The following FYB1 variants were observed in gnomAD, a reference collection of about 807,000 sequenced individuals.
FYB1 encodes the protein FYN binding protein 1.
In FYB1, 41 loss-of-function variants were observed where a neutral mutation model predicts 94.1. The observed-to-expected ratio is 0.44, with a 90% CI of 0.34 to 0.57. The LOEUF (loss-of-function observed/expected upper bound fraction) is 0.57, where lower values mean the gene tolerates loss of function less well. Ranked by LOEUF, FYB1 falls within the 20% of genes least tolerant of loss-of-function variation. The probability of loss-of-function intolerance (pLI) is 0.02; values close to 1 mark genes in which losing one functional copy is unlikely to be tolerated. For missense variants in FYB1, 1,050 were observed against 976.8 expected (o/e 1.07, Z -1.00); for synonymous variants, 367 against 353.2 (o/e 1.04, Z -0.44).
At chr5:39,181,913 C>T (rs1179410282) in intron 2 of FYB1, among the ~76,000 whole-genome samples, 8 of 151,952 alleles carry the variant, frequency 5.3e-5, no homozygotes, top group Admixed American at 2.0e-4. Flanking sequence ...AATGTCTACC[C>T]TCTTGACAAA....
chr5:39,176,685 T>C (rs1221090372), intron 2 of FYB1, among the ~76,000 whole-genome samples: 1 of 152,216 alleles, frequency 6.6e-6, no homozygotes, highest in African/African-American at 2.4e-5. Context: ...AAAACAGTCA[T>C]AAATTGTGGG....
In FYB1 at chr5:39,184,564, T is replaced by G. The variant is rs185936185; in HGVS notation, c.1135+17262A>C. Among the ~76,000 whole-genome samples the G allele has an allele frequency of 4.6e-5, 7 of 152,336 alleles. No individual in the cohort carries two copies. The East Asian group carries it at 1.3e-3, about 29-fold the overall frequency. On this transcript the variant is annotated intron_variant, in intron 2 of 18. Transcript: ENST00000512982. ...GAAAATTTGCCAAGAATTCTCACATTGAATGGCTAGTTCATTTGAAGGAAC... is the reference window on the plus strand; with the variant it reads ...GAAAATTTGCCAAGAATTCTCACATGGAATGGCTAGTTCATTTGAAGGAAC...
chr5:39,124,815 T>C (rs1478096861), intron 12 of FYB1, among the ~76,000 whole-genome samples: 1 of 151,904 alleles, frequency 6.6e-6, no homozygotes, highest in Non-Finnish European at 1.5e-5. Context: ...AGTGAGAGCT[T>C]ATTAATTAAA....
intron 10 of FYB1, among the ~76,000 whole-genome samples, chr5:39,130,320 T>C (rs1169307057): frequency 1.3e-5 from 2 of 152,038 alleles, no homozygotes; most frequent in Non-Finnish European, 2.9e-5. Context: ...TACAGTTAGA[T>C]AGAAGGAATA....
chr5:39,130,474 G>T, intron 10 of FYB1, 116 bp downstream of exon 10: 3 of 790,122 alleles, frequency 3.8e-6, no homozygotes, highest in Non-Finnish European at 6.3e-6. Flanking sequence ...GCCTAAATAC[G>T]CTGACTTGAA....
intron 2 of FYB1, among the ~76,000 whole-genome samples, chr5:39,166,240 C>T (rs989596232): frequency 1.3e-5 from 2 of 152,088 alleles, no homozygotes; most frequent in African/African-American, 2.4e-5. Context: ...AGTTCAAGAC[C>T]AGCCTGACCA....
At chr5:39,169,450 G>T in intron 2 of FYB1, 1 of 726,492 alleles carries the variant, frequency 1.4e-6, no homozygotes, top group South Asian at 1.4e-5. Flanking sequence ...TTTCACAGAA[G>T]AGTGCCTTCA....
intron 2 of FYB1, among the ~76,000 whole-genome samples, chr5:39,180,044 A>G (rs1281855824): frequency 7.9e-5 from 12 of 151,956 alleles, no homozygotes; most frequent in Non-Finnish European, 5.9e-5. Context: ...CATTTTTCTG[A>G]CCATGACTCC....
intron 2 of FYB1, among the ~76,000 whole-genome samples, chr5:39,190,494 T>A (rs1275205037): frequency 6.6e-6 from 1 of 152,064 alleles, no homozygotes; most frequent in African/African-American, 2.4e-5. Context: ...GTGGGAGAAC[T>A]GGACACTGTA....
chr5:39,167,226 G>A (rs1457655102), intron 2 of FYB1, among the ~76,000 whole-genome samples: 1 of 152,078 alleles, frequency 6.6e-6, no homozygotes, highest in African/African-American at 2.4e-5. Flanking sequence ...CGGGGATCAA[G>A]CTTCTACTAG....
intron 2 of FYB1, among the ~76,000 whole-genome samples, chr5:39,195,755 A>G (rs1465113691): frequency 6.6e-6 from 1 of 152,242 alleles, no homozygotes; most frequent in African/African-American, 2.4e-5. Context: ...ATGCAAACCA[A>G]TAGTCAGGCC....
intron 7 of FYB1, among the ~76,000 whole-genome samples, chr5:39,135,320 C>T (rs977007006): frequency 2.0e-5 from 3 of 152,268 alleles, no homozygotes; most frequent in Admixed American, 6.5e-5. Context: ...AACTGAACAG[C>T]GTTTATGTAC....
intron 2 of FYB1, among the ~76,000 whole-genome samples, chr5:39,157,973 C>T (rs1397790562): frequency 2.6e-5 from 4 of 152,086 alleles, no homozygotes; most frequent in African/African-American, 9.7e-5. Flanking sequence ...GAGATCAAGG[C>T]TTCAAGAAGG....
Position 39,122,392 on chromosome 5 carries a change from A to C in FYB1, c.2082T>G (p.Asp694Glu). The C allele has an allele frequency of 1.3e-6, 2 of 1,572,970 alleles. No homozygotes were observed. The highest frequency in any genetic ancestry group is 1.7e-6 in the Non-Finnish European group (2 of 1,154,152). Reference protein sequence around the residue: ...PAPPKQLDMGDEVYDDVDTSD... With the variant: ...PAPPKQLDMGEEVYDDVDTSD... Reference sequence around the variant, plus strand: ...AGGTATCCACATCATCGTAAACTTCATCTCCCATGTCTAACAAAAGACAGA... The same window carrying C: ...AGGTATCCACATCATCGTAAACTTCCTCTCCCATGTCTAACAAAAGACAGA... The change falls in exon 14 of 19, where the codon GAT becomes GAG. Residue 694 changes from aspartate to glutamate, a missense_variant. Transcript: ENST00000512982.
intron 12 of FYB1, among the ~76,000 whole-genome samples, chr5:39,124,964 C>A (rs1740500736): frequency 1.3e-5 from 2 of 151,292 alleles, no homozygotes; most frequent in African/African-American, 2.4e-5. Context: ...CGTACACACA[C>A]AAACACACCA....
chr5:39,189,167 T>G (rs555892969), intron 2 of FYB1, among the ~76,000 whole-genome samples: 6 of 151,568 alleles, frequency 4.0e-5, no homozygotes, highest in Middle Eastern at 7.0e-3. Context: ...TGTAATATTT[T>G]AACTCAGGAA....
At chr5:39,257,021 A>C (rs1401942858) in intron 1 of FYB1, among the ~76,000 whole-genome samples, 1 of 152,254 alleles carries the variant, frequency 6.6e-6, no homozygotes, top group Non-Finnish European at 1.5e-5. Context: ...TAGATTTCAC[A>C]GAAATAATTT....
intron 1 of FYB1, among the ~76,000 whole-genome samples, chr5:39,216,501 A>G (rs942018427): frequency 1.3e-5 from 2 of 151,896 alleles, no homozygotes; most frequent in Non-Finnish European, 2.9e-5. Context: ...GCACCTCTCA[A>G]CCCATCACCT....
Position 39,202,813 on chromosome 5 carries a change from C to T in FYB1, c.148G>A (p.Gly50Arg). ...CCAAACTTAGGTACATTGCTGGGTCCTGCAGGAGGGCTGGCATTTCCTTGG... is the reference window on the plus strand; with the variant it reads ...CCAAACTTAGGTACATTGCTGGGTCTTGCAGGAGGGCTGGCATTTCCTTGG... ...NNQGNASPPA[G>R]PSNVPKFGSP... Residue 50 changes from glycine (G) to arginine (R), a missense_variant, in exon 2 of 19, where the codon GGA becomes AGA. Gly to Arg is a moderately radical substitution (Grantham distance 125). Coordinates refer to ENST00000512982, the MANE Select transcript of FYB1 (RefSeq NM_001465.6). 1.2e-6 allele frequency: 2 copies of T among 1,613,960 alleles called. No individual in the cohort carries two copies. Among genetic ancestry groups the T allele is most frequent in the Non-Finnish European group, 8.5e-7 (1 of 1,179,878 alleles).
Sources: allele counts gnomAD v4.1 joint callset (sites outside exome capture counted in the v4.1 genomes callset), GRCh38; gene constraint gnomAD v4.1.1; transcripts MANE v1.5; gene names NCBI Gene and HGNC (gene_info 2026-07-23, HGNC 2026-07-21).